Variants in RGL3 observed in about 807,000 individuals in gnomAD.
The protein encoded by RGL3 is ral guanine nucleotide dissociation stimulator-like 3.
RGL3 carries 85 observed loss-of-function variants against 90.6 expected under a neutral mutation model. The observed-to-expected ratio is 0.94, with a 90% CI of 0.79 to 1.12. The LOEUF is 1.12. Ranked by LOEUF, RGL3 falls within the 50% of genes most tolerant of loss-of-function variation. The pLI, the probability that RGL3 is intolerant of heterozygous loss-of-function variation, is 0.00. For missense variants in RGL3, 1,034 were observed against 939.2 expected, an observed-to-expected ratio of 1.10 and a Z score of -1.32; for synonymous variants, 408 against 385.5, an observed-to-expected ratio of 1.06 and a Z score of -0.68.
chr19:11,396,617 T>C (rs891779564), intron 18 of RGL3, among the ~76,000 whole-genome samples: 5 of 149,326 alleles, frequency 3.3e-5, no homozygotes, highest in Non-Finnish European at 5.9e-5. Flanking sequence ...ATCCTACAAA[T>C]TGAAGGTCAG....
intron 5 of RGL3, among the ~76,000 whole-genome samples, chr19:11,409,322 A>G (rs1158641560): frequency 6.6e-6 from 1 of 152,140 alleles, no homozygotes; most frequent in Non-Finnish European, 1.5e-5. Flanking sequence ...CTACTAAAAA[A>G]TAGAAAAAAT....
chr19:11,402,493 G>A lies in RGL3; in HGVS notation c.1291C>T (p.Leu431=). 1 of 1,605,304 alleles carries A rather than the reference G, an allele frequency of 6.2e-7. No individual in the cohort carries two copies. Among genetic ancestry groups the A allele is most frequent in the Non-Finnish European group, 8.5e-7 (1 of 1,176,812 alleles). The change falls in exon 11 of 19, where the codon CTG becomes TTG. Residue 431 remains leucine (L), a synonymous_variant. Transcript: ENST00000380456. ...GGCAGGGCTGTGTCCAGCATAACCA[G>A]GTCCGTAAGGAAGGTGCCAAGGTAG... The part of the protein sequence containing the change: ...VPYLGTFLTD[L]VMLDTALPDM...
At chr19:11,403,116 G>A (rs1470898140) in intron 9 of RGL3, among the ~76,000 whole-genome samples, 2 of 150,938 alleles carry the variant, frequency 1.3e-5, no homozygotes, top group Admixed American at 1.3e-4. Context: ...CTCACTGCAG[G>A]CTCCGCCCCC....
chr19:11,398,448 C>T (rs1968615087), intron 16 of RGL3, among the ~76,000 whole-genome samples: 1 of 151,756 alleles, frequency 6.6e-6, no homozygotes, highest in African/African-American at 2.4e-5. Context: ...CAGGTTCAAG[C>T]AATTCTCATG....
At chr19:11,416,216 C>CTTTTT (rs143904966) in intron 4 of RGL3, 68 bp from the exon 5 acceptor site, 2 of 628,364 alleles carry the variant, frequency 3.2e-6, no homozygotes, top group Non-Finnish European at 4.8e-6. Flanking sequence ...CTCCTGGTAC[C>CTTTTT]TTTTTTTTTT....
chr19:11,408,319 C>T (rs1025068850), intron 5 of RGL3, among the ~76,000 whole-genome samples: 4 of 152,186 alleles, frequency 2.6e-5, no homozygotes, highest in African/African-American at 4.8e-5. Flanking sequence ...CTGTGGCTCA[C>T]GCCTGTAATC....
chr19:11,406,429 C>T lies in RGL3; in HGVS notation c.986G>A (p.Arg329His), dbSNP rs1294029331. The T allele has an allele frequency of 7.2e-6, 11 of 1,538,070 alleles. No homozygotes were observed. Among genetic ancestry groups the T allele is most frequent in the East Asian group, 2.4e-5 (1 of 41,136 alleles). The change falls in exon 7 of 19, where the codon CGC becomes CAC. Residue 329 changes from arginine (R) to histidine (H), a missense_variant. Arg to His is a conservative substitution (Grantham distance 29). Coordinates refer to ENST00000380456, the MANE Select transcript of RGL3 (RefSeq NM_001035223.4). ...QRAQRLEKWI[R>H]IAQRCRELRN... ...GCGCCCGCAACACACCTGGGCGATG[C>T]GGATCCACTTCTCCAGCCGCTGCGC...
Position 11,399,936 on chromosome 19 carries a change from T to A in RGL3, c.1665A>T (p.Ser555=). The A allele has an allele frequency of 6.5e-7, 1 of 1,534,876 alleles. No homozygotes were observed. Among genetic ancestry groups the A allele is most frequent in the Non-Finnish European group, 8.7e-7 (1 of 1,148,316 alleles). Residue 555 remains serine, a synonymous_variant, in exon 16 of 19, where the codon TCA becomes TCT. Transcript: ENST00000380456. The stretch of plus-strand genomic sequence containing the variant: ...CTCTGCTTCTAGGACTTGAGGGGGG[T>A]GACCCTGGGGACACACTGGGGGAGA... ...SSPTSSVSPG[S]PPSSPRSRDA... is the part of the protein sequence containing the mutation.
At chr19:11,396,130 C>A (rs866696704) in intron 18 of RGL3, among the ~76,000 whole-genome samples, 1,208 of 48,770 alleles carry the variant, frequency 0.025, 9 homozygotes, top group Non-Finnish European at 0.032. Context: ...CTCTCTCTCT[C>A]TCTCTCTATA....
chr19:11,396,531 C>G (rs1037175720), intron 18 of RGL3, among the ~76,000 whole-genome samples: 6 of 151,728 alleles, frequency 4.0e-5, no homozygotes, highest in Admixed American at 3.3e-4. Context: ...GTCTCAAACT[C>G]CTGAGCTCAG....
At chr19:11,412,923 G>A (rs1008462978) in intron 5 of RGL3, among the ~76,000 whole-genome samples, 12 of 152,010 alleles carry the variant, frequency 7.9e-5, no homozygotes, top group Non-Finnish European at 1.6e-4. Flanking sequence ...CCAAGATCGC[G>A]CCATTGCACT....
At chr19:11,400,367 A>G in intron 13 of RGL3, 70 bp from the exon 14 acceptor site, 1 of 1,373,974 alleles carries the variant, frequency 7.3e-7, no homozygotes, top group Non-Finnish European at 9.8e-7. Flanking sequence ...AAGAGTTGGA[A>G]TCAGTTGGGA....
At chr19:11,398,379 T>C (rs1568335118) in intron 16 of RGL3, among the ~76,000 whole-genome samples, 1 of 152,084 alleles carries the variant, frequency 6.6e-6, no homozygotes, top group Non-Finnish European at 1.5e-5. Context: ...AGAGTCTTGC[T>C]CTGTCACCCA....
chr19:11,394,486 A>C lies in RGL3; in HGVS notation c.2049T>G (p.Tyr683Ter). Residue 683 changes from tyrosine (Y) to a stop codon, truncating the protein, a stop_gained, in exon 19 of 19, where the codon TAT (tyrosine) becomes TAG (stop). Coordinates refer to ENST00000380456, the MANE Select transcript of RGL3 (RefSeq NM_001035223.4). LOFTEE classifies it low-confidence loss of function (END_TRUNC). Reference protein sequence around the residue: ...LLIPDNANVFYAMSPVAPRDF... With the variant: ...LLIPDNANVF Reference sequence around the variant, plus strand: ...CTCTGGGGGCGACTGGACTCATGGCATAGAAGACGTTGGCATTGTCAGGAA... The same window carrying C: ...CTCTGGGGGCGACTGGACTCATGGCCTAGAAGACGTTGGCATTGTCAGGAA... 1 of 1,614,008 alleles carries C rather than the reference A, an allele frequency of 6.2e-7. No homozygotes were observed. Among genetic ancestry groups the C allele is most frequent in the East Asian group, 2.2e-5 (1 of 44,868 alleles).
intron 9 of RGL3, among the ~76,000 whole-genome samples, chr19:11,403,921 A>G (rs1968724953): frequency 6.6e-6 from 1 of 152,044 alleles, no homozygotes; most frequent in Non-Finnish European, 1.5e-5. Flanking sequence ...TCACTTTGTC[A>G]CTCAGGCTGG....
intron 18 of RGL3, among the ~76,000 whole-genome samples, chr19:11,396,159 T>TATATATATATA (rs1491194960): frequency 3.8e-5 from 1 of 26,478 alleles, no homozygotes. Context: ...TATATATATA[T>TATATATATATA]TTTTTTTTTT....
In RGL3 at chr19:11,406,471, A is replaced by C; in HGVS notation, c.944T>G (p.Leu315Trp). ...VLGSVLGAPGLAAPQRAQRLE... is the reference protein window; with the variant it reads ...VLGSVLGAPGWAAPQRAQRLE... The stretch of plus-strand genomic sequence containing the variant: ...CCGCTGCGCCCTCTGCGGGGCGGCC[A>C]AGCCCGGTGCTCCGAGCACGGAACC... The change falls in exon 7 of 19, where the codon TTG (leucine) becomes TGG (tryptophan). Residue 315 changes from leucine to tryptophan, a missense_variant. Transcript: ENST00000380456. The C allele has an allele frequency of 6.4e-7, 1 of 1,552,742 alleles. No individual in the cohort carries two copies. The highest frequency in any genetic ancestry group is 8.7e-7 in the Non-Finnish European group (1 of 1,151,986).
chr19:11,394,993 T>C (rs1968539449), intron 18 of RGL3, among the ~76,000 whole-genome samples: 1 of 151,066 alleles, frequency 6.6e-6, no homozygotes, highest in South Asian at 2.1e-4. Flanking sequence ...CTCGGAAGGC[T>C]GAGGCAGGAG....
chr19:11,394,573 C>T lies in RGL3; in HGVS notation c.2015-53G>A. ...AGGCCCTCACAACCTTGTGTCACCC[C>T]CACAGAGGACCCGGGAGCCTCCTGC... On this transcript the variant is annotated intron_variant, in intron 18 of 18. Transcript: ENST00000380456. 2.9e-6 allele frequency: 4 copies of T among 1,379,354 alleles called. No homozygotes were observed. The South Asian group carries it at 4.6e-5, about 16-fold the overall frequency. 85.4% of individuals were successfully genotyped at this position (1,379,354 alleles called of 1,614,324 possible).
Sources: gnomAD v4.1 joint callset for allele counts (sites outside exome capture counted in the v4.1 genomes callset) on GRCh38, gnomAD v4.1.1 for gene constraint, MANE v1.5 for transcripts, NCBI Gene and HGNC (gene_info 2026-07-23, HGNC 2026-07-21) for gene names.